The following ACO1 variants were observed in gnomAD, a reference collection of about 807,000 sequenced individuals.
The protein encoded by ACO1 is cytoplasmic aconitate hydratase.
ACO1 carries 78 observed loss-of-function variants against 105.1 expected under a neutral mutation model. The observed-to-expected ratio is 0.74, with a 90% CI of 0.62 to 0.90. The LOEUF (loss-of-function observed/expected upper bound fraction) is 0.90. Ranked by LOEUF, ACO1 falls within the 40% of genes least tolerant of loss-of-function variation. The pLI is 0.00. For missense variants in ACO1, 965 were observed against 1,111.1 expected, an observed-to-expected ratio of 0.87 and a Z score of 1.87; for synonymous variants, 364 against 397.4, an observed-to-expected ratio of 0.92 and a Z score of 1.00.
intron 1 of ACO1, among the ~76,000 whole-genome samples, chr9:32,386,197 G>C (rs1248868014): frequency 6.6e-6 from 1 of 152,204 alleles, no homozygotes; most frequent in Non-Finnish European, 1.5e-5. Flanking sequence ...AGTGTGTAGG[G>C]GTTCCTGTGA....
At chr9:32,414,158 A>G (rs1422532712) in intron 4 of ACO1, among the ~76,000 whole-genome samples, 1 of 152,220 alleles carries the variant, frequency 6.6e-6, no homozygotes, top group Admixed American at 6.5e-5. Context: ...GTCTCAAAAA[A>G]AAAGAATTTC....
At chr9:32,395,270 G>C (rs1261959265) in intron 1 of ACO1, among the ~76,000 whole-genome samples, 2 of 152,262 alleles carry the variant, frequency 1.3e-5, no homozygotes, top group Admixed American at 1.3e-4. Context: ...GAGGTCAGAA[G>C]TTTGAGACCA....
Position 32,418,085 on chromosome 9 carries a change from G to A in ACO1, c.405-43G>A, listed in dbSNP as rs537053975. 42 of 1,578,118 alleles carry A rather than the reference G, an allele frequency of 2.7e-5. No homozygotes were observed. The East Asian group carries it at 9.0e-4, about 34-fold the overall frequency. On this transcript the variant is annotated intron_variant, in intron 4 of 20. Transcript: ENST00000309951. ...CACCAATAAATTTGACCACTAATAT[G>A]TTAAGTCTCAAATTGTATACATTTA...
intron 4 of ACO1, among the ~76,000 whole-genome samples, chr9:32,411,928 G>A (rs575311970): frequency 2.6e-5 from 4 of 151,782 alleles, no homozygotes; most frequent in Non-Finnish European, 5.9e-5. Flanking sequence ...CCCTAGACCG[G>A]GGTGGCGTGA....
chr9:32,428,578 C>A (rs1822152826), intron 12 of ACO1, among the ~76,000 whole-genome samples: 1 of 152,112 alleles, frequency 6.6e-6, no homozygotes, highest in African/African-American at 2.4e-5. Context: ...GTGGCTCATG[C>A]CTGTAATCCC....
rs57615512 is a variant in ACO1 at position 32,399,966 on chromosome 9, G to GTTTTTTTTTTTTTTTTTTTTTTTTTT, written c.-22-5497_-22-5496insTTTTTTTTTTTTTTTTTTTTTTTTTT. On this transcript the variant is annotated intron_variant, in intron 1 of 20. Coordinates refer to ENST00000309951, the MANE Select transcript of ACO1 (RefSeq NM_002197.3). ...ATTTCTTTTATTTTTTTCTTTTTCT[G>GTTTTTTTTTTTTTTTTTTTTTTTTTT]TTTTTTTTTTTTTTTTTTTTTTGCG... Among the ~76,000 whole-genome samples the GTTTTTTTTTTTTTTTTTTTTTTTTTT allele has an allele frequency of 5.7e-5, 4 of 69,842 alleles. 1 individual carries two copies. The highest frequency in any genetic ancestry group is 4.3e-4 in the Admixed American group (2 of 4,602). The allele number at this position is 69,842 out of a possible 152,430, so 45.8% of individuals were successfully genotyped here.
intron 3 of ACO1, 111 bp downstream of exon 3, chr9:32,407,540 A>G (rs1481681345): frequency 9.9e-7 from 1 of 1,014,414 alleles, no homozygotes; most frequent in Non-Finnish European, 1.4e-6. Context: ...TTATTAATTT[A>G]TGACTATATA....
At chr9:32,389,275 G>A (rs986710454) in intron 1 of ACO1, among the ~76,000 whole-genome samples, 1 of 152,190 alleles carries the variant, frequency 6.6e-6, no homozygotes, top group Admixed American at 6.5e-5. Context: ...AACATTGAGT[G>A]CTTTTCTCTA....
intron 1 of ACO1, among the ~76,000 whole-genome samples, chr9:32,387,024 T>C (rs1346858774): frequency 6.6e-6 from 1 of 152,204 alleles, no homozygotes; most frequent in Non-Finnish European, 1.5e-5. Flanking sequence ...CAAAGGCATG[T>C]GCTGAAGAAA....
At chr9:32,435,870 C>T (rs1423258254) in intron 17 of ACO1, 5 of 361,822 alleles carry the variant, frequency 1.4e-5, no homozygotes, top group South Asian at 6.6e-5. Context: ...ATTTGCCTAC[C>T]CTAATTCTTC....
chr9:32,388,941 G>A (rs115029391), intron 1 of ACO1, among the ~76,000 whole-genome samples: 1,557 of 152,196 alleles, frequency 0.01, 28 homozygotes, highest in African/African-American at 0.036. Flanking sequence ...AAAAAAAACT[G>A]CTTTGTCATA....
At chr9:32,411,232 TA>T (rs1463711844) in intron 4 of ACO1, among the ~76,000 whole-genome samples, 1 of 152,212 alleles carries the variant, frequency 6.6e-6, no homozygotes. Context: ...CAGGTATTTT[TA>T]AGAGGCTATT....
chr9:32,426,449 T>G lies in ACO1; in HGVS notation c.1348+452T>G, dbSNP rs376695875. On this transcript the variant is annotated intron_variant, in intron 11 of 20. Transcript: ENST00000309951. ...GGGCCACTGGCCTGTTTCGCAATTC[T>G]GGTTGAGTTGTTAATATTTACATAT... Among the ~76,000 whole-genome samples, 42 of 152,306 alleles carry G rather than the reference T, an allele frequency of 2.8e-4. 1 individual carries two copies. In the South Asian group the frequency reaches 8.3e-3, roughly 30 times the overall value.
intron 4 of ACO1, among the ~76,000 whole-genome samples, chr9:32,413,532 TTTG>T (rs1821787546): frequency 6.6e-6 from 1 of 152,158 alleles, no homozygotes; most frequent in Admixed American, 6.5e-5. Context: ...TTGGTGGTAT[TTTG>T]TTTTTATTTC....
Position 32,450,405 on chromosome 9 carries a change from C to T in ACO1, c.*294C>T, listed in dbSNP as rs892906777. ...GTCTTTAAAGTTACTGATCACAGGA[C>T]GTTGCTTTTTCACTGTTTCCTATTA... On this transcript the variant is annotated 3_prime_UTR_variant, in exon 21 of 21. Coordinates refer to ENST00000309951, the MANE Select transcript of ACO1 (RefSeq NM_002197.3). The T allele has an allele frequency of 6.3e-5, 27 of 429,774 alleles. No homozygotes were observed. The highest frequency in any genetic ancestry group is 7.9e-5 in the Non-Finnish European group (18 of 226,634). The allele number at this position is 429,774 out of a possible 1,614,324, so 26.6% of individuals were successfully genotyped here. A position where few individuals can be genotyped will look rare whatever the true frequency, so the allele number is the denominator to read the frequency against.
chr9:32,418,102 A>G, intron 4 of ACO1, 26 bp from the exon 5 acceptor site: 1 of 1,607,548 alleles, frequency 6.2e-7, no homozygotes, highest in African/African-American at 1.3e-5. Context: ...CTCAAATTGT[A>G]TACATTTAAT....
intron 8 of ACO1, 115 bp downstream of exon 8, chr9:32,421,142 C>T: frequency 1.7e-6 from 2 of 1,181,324 alleles, no homozygotes; most frequent in Non-Finnish European, 1.2e-6. Context: ...TACAGTTACA[C>T]AATTATTTTT....
intron 19 of ACO1, chr9:32,445,580 A>AT: frequency 3.3e-6 from 1 of 305,668 alleles, no homozygotes; most frequent in South Asian, 2.5e-5. Context: ...CATTGATTTG[A>AT]TTTTTTGAAC....
At chr9:32,431,969 G>T (rs1822249388) in intron 15 of ACO1, 126 bp downstream of exon 15, 1 of 1,115,914 alleles carries the variant, frequency 9.0e-7, no homozygotes, top group African/African-American at 1.6e-5. Context: ...TATTTCTTCA[G>T]ATGACTGGGG....
Sources: gnomAD v4.1 joint callset for allele counts (sites outside exome capture counted in the v4.1 genomes callset) on GRCh38, gnomAD v4.1.1 for gene constraint, MANE v1.5 for transcripts, NCBI Gene and HGNC (gene_info 2026-07-23, HGNC 2026-07-21) for gene names.